Variants in LAPTM4B observed in about 807,000 individuals in gnomAD.
The protein encoded by LAPTM4B is lysosomal protein transmembrane 4 beta, also known as lysosomal-associated transmembrane protein 4B.
LAPTM4B carries 26 observed loss-of-function variants against 28.5 expected under a neutral mutation model. The ratio of observed to expected loss-of-function variants is 0.91; its 90% CI spans 0.67 to 1.27. The LOEUF is 1.27. Among genes scored for constraint, LAPTM4B ranks in the 50% most tolerant of loss-of-function variants. LAPTM4B has a pLI of 0.00. For synonymous variants in LAPTM4B, 109 were observed against 106.4 expected (o/e 1.02, Z -0.15); for missense variants, 288 against 285.8 (o/e 1.01, Z -0.06).
In LAPTM4B at chr8:97,776,068, A is replaced by G. The variant is rs1816205579; in HGVS notation, c.59A>G (p.His20Arg). Residue 20 changes from histidine to arginine, a missense_variant, in exon 1 of 7, where the codon CAT becomes CGT. Physicochemically the swap from His to Arg is conservative, Grantham distance 29. Transcript: ENST00000521545. ...FYSNSCCLCC[H>R]VRTGTILLGV... ...TCCAACAGCTGCTGCTTGTGCTGCC[A>G]TGTCCGCACCGGCACCATCCTGCTC... 5 of 1,589,094 alleles carry G rather than the reference A, an allele frequency of 3.1e-6. No homozygotes were observed. The highest frequency in any genetic ancestry group is 2.2e-5 in the South Asian group (2 of 90,128).
At chr8:97,790,653 C>T (rs1308635094) in intron 1 of LAPTM4B, among the ~76,000 whole-genome samples, 1 of 151,968 alleles carries the variant, frequency 6.6e-6, no homozygotes, top group African/African-American at 2.4e-5. Context: ...ACCACATTGG[C>T]CAGGGTAGTC....
chr8:97,848,538 G>C (rs1181742929), intron 6 of LAPTM4B, among the ~76,000 whole-genome samples: 1 of 151,986 alleles, frequency 6.6e-6, no homozygotes, highest in Non-Finnish European at 1.5e-5. Flanking sequence ...TAGCTCTACA[G>C]GTCGGCCACA....
At chr8:97,801,017 C>T (rs995999391) in intron 1 of LAPTM4B, among the ~76,000 whole-genome samples, 11 of 152,058 alleles carry the variant, frequency 7.2e-5, no homozygotes, top group Non-Finnish European at 1.5e-4. Flanking sequence ...TGTACGACTT[C>T]CTCACCTTTC....
At chr8:97,781,278 C>CTATTT (rs1816307117) in intron 1 of LAPTM4B, among the ~76,000 whole-genome samples, 1 of 50,820 alleles carries the variant, frequency 2.0e-5, no homozygotes, top group African/African-American at 1.1e-4. Flanking sequence ...TGTGCCCGGC[C>CTATTT]TTTTTTTTTT....
intron 1 of LAPTM4B, among the ~76,000 whole-genome samples, chr8:97,797,129 G>A: frequency 2.0e-5 from 2 of 100,324 alleles, no homozygotes; most frequent in African/African-American, 3.6e-5. Flanking sequence ...AATAAAATTG[G>A]AATTACAACT....
Position 97,800,643 on chromosome 8 carries a change from T to C in LAPTM4B, c.100-4710T>C, listed in dbSNP as rs568079511. 2.6e-5 allele frequency among the ~76,000 whole-genome samples: 4 copies of C among 151,760 alleles called. No individual in the cohort carries two copies. The East Asian group carries it at 7.8e-4, about 30-fold the overall frequency. On this transcript the variant is annotated intron_variant, in intron 1 of 6. Transcript: ENST00000521545. ...TCCGGAGTAGCTGGGATTACAGGCA[T>C]GCACCACCATGCCCGGCTAATTTTG...
intron 5 of LAPTM4B, among the ~76,000 whole-genome samples, chr8:97,822,266 T>C (rs1477690208): frequency 1.3e-5 from 2 of 151,996 alleles, no homozygotes; most frequent in African/African-American, 4.8e-5. Flanking sequence ...TTTTGACTTC[T>C]GCTTGTTTTT....
At chr8:97,839,513 T>C (rs1414830756) in intron 6 of LAPTM4B, among the ~76,000 whole-genome samples, 1 of 152,168 alleles carries the variant, frequency 6.6e-6, no homozygotes, top group Non-Finnish European at 1.5e-5. Flanking sequence ...AAATTTTAAA[T>C]GTCCCGGTCT....
intron 1 of LAPTM4B, among the ~76,000 whole-genome samples, chr8:97,794,993 T>C (rs2129748379): frequency 6.6e-6 from 1 of 152,370 alleles, no homozygotes; most frequent in African/African-American, 2.4e-5. Context: ...ATTACAGGCG[T>C]GAGCCGCCAT....
chr8:97,804,982 T>G (rs1816738054), intron 1 of LAPTM4B, among the ~76,000 whole-genome samples: 1 of 152,238 alleles, frequency 6.6e-6, no homozygotes, highest in Admixed American at 6.5e-5. Context: ...TACCTTTAGC[T>G]CTAGAGTGTA....
chr8:97,835,491 A>G (rs2512062), intron 6 of LAPTM4B, among the ~76,000 whole-genome samples: 9,670 of 152,272 alleles, frequency 0.064, 895 homozygotes, highest in East Asian at 0.37. Flanking sequence ...AACTCTGTTC[A>G]TAATGCTTTA....
intron 2 of LAPTM4B, among the ~76,000 whole-genome samples, chr8:97,812,216 TG>T (rs201445596): frequency 0.034 from 930 of 27,006 alleles, 21 homozygotes; most frequent in Middle Eastern, 0.13. Context: ...GTTTTTTTTT[TG>T]TTGTTTTTTG....
intron 1 of LAPTM4B, among the ~76,000 whole-genome samples, chr8:97,800,484 CTTTTTTTTTTTTTT>C (rs546425169): frequency 5.8e-5 from 4 of 69,326 alleles, no homozygotes; most frequent in African/African-American, 2.2e-4. Flanking sequence ...CCCTTGACCT[CTTTTTTTTTTTTTT>C]TTTTTTTTTT....
chr8:97,811,465 TAACTG>T (rs1403909275), intron 2 of LAPTM4B, among the ~76,000 whole-genome samples: 1 of 152,188 alleles, frequency 6.6e-6, no homozygotes, highest in Non-Finnish European at 1.5e-5. Flanking sequence ...TGATGAGAAT[TAACTG>T]TACTGTGTGT....
At chr8:97,842,667 C>T (rs191001552) in intron 6 of LAPTM4B, among the ~76,000 whole-genome samples, 1,924 of 150,972 alleles carry the variant, frequency 0.013, 25 homozygotes, top group South Asian at 0.033. Context: ...TACAGGCGCC[C>T]GCCACCACGC....
intron 2 of LAPTM4B, among the ~76,000 whole-genome samples, chr8:97,811,252 T>C (rs2129782257): frequency 6.6e-6 from 1 of 152,138 alleles, no homozygotes; most frequent in Non-Finnish European, 1.5e-5. Context: ...ATACGTACAC[T>C]CCAGGAGTGA....
At chr8:97,847,228 A>C (rs776804695) in intron 6 of LAPTM4B, among the ~76,000 whole-genome samples, 6 of 152,146 alleles carry the variant, frequency 3.9e-5, no homozygotes, top group Non-Finnish European at 8.8e-5. Context: ...CCGTAGCTGA[A>C]CTCATGTTAA....
intron 1 of LAPTM4B, among the ~76,000 whole-genome samples, chr8:97,779,101 C>G (rs1039632338): frequency 1.3e-5 from 2 of 152,090 alleles, no homozygotes; most frequent in Non-Finnish European, 2.9e-5. Context: ...CACCTGTAGT[C>G]CCAGCTTGAG....
At chr8:97,776,500 C>T (rs1160938091) in intron 1 of LAPTM4B, among the ~76,000 whole-genome samples, 1 of 152,258 alleles carries the variant, frequency 6.6e-6, no homozygotes, top group South Asian at 2.1e-4. Flanking sequence ...TGTGTTTCGA[C>T]GGCTGCGGAC....
Sources: gnomAD v4.1 joint callset for allele counts (sites outside exome capture counted in the v4.1 genomes callset) on GRCh38, gnomAD v4.1.1 for gene constraint, MANE v1.5 for transcripts, NCBI Gene and HGNC (gene_info 2026-07-23, HGNC 2026-07-21) for gene names.